Variants in PGBD2 observed in about 807,000 individuals in gnomAD.
The protein encoded by PGBD2 is piggyBac transposable element derived 2.
A neutral mutation model predicts 8.1 loss-of-function variants in PGBD2; 6 were observed. The observed-to-expected ratio is 0.74, with a 90% confidence interval of 0.40 to 1.46. The LOEUF (loss-of-function observed/expected upper bound fraction) is 1.46. PGBD2 is among the 40% of genes most tolerant of loss of function. The pLI is 0.02. For missense variants in PGBD2, 802 were observed against 739.0 expected (o/e 1.09, Z -0.99); for synonymous variants, 318 against 272.2 (o/e 1.17, Z -1.66).
chr1:248,889,564 C>T, the PGBD2 span, among the ~76,000 whole-genome samples: 1 of 152,134 alleles, frequency 6.6e-6, no homozygotes, highest in South Asian at 2.1e-4. Flanking sequence ...TAGCTTCATG[C>T]ATTTCAAGGA....
At chr1:248,874,295 C>T in the PGBD2 span, among the ~76,000 whole-genome samples, 28 of 152,250 alleles carry the variant, frequency 1.8e-4, no homozygotes, top group Middle Eastern at 3.4e-3. Flanking sequence ...CCGCCGCGGC[C>T]CGGGTTCGAT....
chr1:248,917,369 T>G lies in PGBD2; in HGVS notation c.785T>G (p.Leu262Trp), dbSNP rs753018987. 43 of 1,614,012 alleles carry G rather than the reference T, an allele frequency of 2.7e-5. No homozygotes were observed. The highest frequency in any genetic ancestry group is 3.6e-5 in the Non-Finnish European group (43 of 1,180,014). ...MNCNFQKHAP[L>W]EEFYSFGESM... The stretch of plus-strand genomic sequence containing the variant: ...TGCAATTTCCAGAAGCATGCACCCT[T>G]GGAAGAGTTCTACAGCTTTGGCGAG... The change falls in exon 3 of 3, where the codon TTG (leucine) becomes TGG (tryptophan). Residue 262 changes from leucine (L) to tryptophan (W), a missense_variant. Coordinates refer to ENST00000329291, the MANE Select transcript of PGBD2 (RefSeq NM_170725.3).
chr1:248,895,911 C>T, the PGBD2 span, among the ~76,000 whole-genome samples: 1 of 151,804 alleles, frequency 6.6e-6, no homozygotes, highest in African/African-American at 2.4e-5. Context: ...TGGTCTTGAT[C>T]GCTTGACCTT....
chr1:248,884,078 A>G, the PGBD2 span, among the ~76,000 whole-genome samples: 1 of 152,164 alleles, frequency 6.6e-6, no homozygotes, highest in African/African-American at 2.4e-5. Flanking sequence ...ATATTTAAAT[A>G]TTTAATCCAT....
downstream of PGBD2, among the ~76,000 whole-genome samples, chr1:248,923,118 A>G (rs577832664): frequency 3.3e-4 from 50 of 152,326 alleles, no homozygotes; most frequent in African/African-American, 1.1e-3. Context: ...GCTATTAATT[A>G]CAGTCTCAAT....
At chr1:248,909,106 T>C (rs1405153060) in intron 1 of PGBD2, among the ~76,000 whole-genome samples, 1 of 152,226 alleles carries the variant, frequency 6.6e-6, no homozygotes, top group African/African-American at 2.4e-5. Flanking sequence ...AGCCTCTATC[T>C]AGACATTATT....
intron 1 of PGBD2, among the ~76,000 whole-genome samples, chr1:248,908,881 T>C (rs1054097543): frequency 2.0e-5 from 3 of 152,164 alleles, no homozygotes; most frequent in African/African-American, 2.4e-5. Context: ...GAATTGTTAC[T>C]CTTTCTGCAG....
intron 2 of PGBD2, chr1:248,914,641 C>G: frequency 1.6e-6 from 2 of 1,261,534 alleles, no homozygotes; most frequent in South Asian, 2.5e-5. Flanking sequence ...TTGGGGCCTG[C>G]AAAGGGGCAC....
the PGBD2 span, among the ~76,000 whole-genome samples, chr1:248,876,412 G>A: frequency 6.6e-6 from 1 of 152,284 alleles, no homozygotes; most frequent in Admixed American, 6.5e-5. Flanking sequence ...TAGGTGGAGG[G>A]TTTGCTATTC....
downstream of PGBD2, among the ~76,000 whole-genome samples, chr1:248,923,802 G>C (rs890801437): frequency 5.9e-5 from 9 of 152,308 alleles, 1 homozygote; most frequent in Middle Eastern, 0.014. Context: ...ATAAGGATGG[G>C]AGGAGAACAG....
intron 1 of PGBD2, among the ~76,000 whole-genome samples, chr1:248,908,052 G>T (rs1037603674): frequency 6.6e-6 from 1 of 152,094 alleles, no homozygotes. Context: ...TTTCCTAGGG[G>T]TTAACATCTT....
chr1:248,912,400 C>T (rs1025868722), intron 1 of PGBD2, among the ~76,000 whole-genome samples: 1 of 152,180 alleles, frequency 6.6e-6, no homozygotes, highest in Admixed American at 6.5e-5. Flanking sequence ...TGTTCTGCAT[C>T]GCTGGGCAAG....
the PGBD2 span, among the ~76,000 whole-genome samples, chr1:248,892,422 T>G: frequency 6.6e-6 from 1 of 151,882 alleles, no homozygotes; most frequent in East Asian, 1.9e-4. Flanking sequence ...TCTGAGTTAG[T>G]TACAGGACAA....
Position 248,917,760 on chromosome 1 carries a change from A to T in PGBD2, c.1176A>T (p.Lys392Asn), listed in dbSNP as rs766084799. 6.2e-7 allele frequency: 1 copy of T among 1,614,122 alleles called. No individual in the cohort carries two copies. ...CPLKDPKELK[K>N]MKRGSFDYKV... ...TAAAAGACCCCAAAGAACTGAAAAA[A>T]ATGAAGAGGGGTTCATTTGATTACA... Residue 392 changes from lysine to asparagine, a missense_variant, in exon 3 of 3, where the codon AAA becomes AAT. By Grantham distance (94) the Lys-to-Asn change is moderately conservative. Coordinates refer to ENST00000329291, the MANE Select transcript of PGBD2 (RefSeq NM_170725.3).
At chr1:248,873,896 A>G in the PGBD2 span, among the ~76,000 whole-genome samples, 2 of 152,180 alleles carry the variant, frequency 1.3e-5, no homozygotes, top group Non-Finnish European at 2.9e-5. Flanking sequence ...ACTCAAGGTA[A>G]GCACCTTGCC....
chr1:248,879,729 G>A, the PGBD2 span, among the ~76,000 whole-genome samples: 1 of 152,092 alleles, frequency 6.6e-6, no homozygotes, highest in Non-Finnish European at 1.5e-5. Context: ...GCTGATATGT[G>A]TCATAAATAT....
upstream of PGBD2, among the ~76,000 whole-genome samples, chr1:248,903,959 T>A (rs183226203): frequency 1.5e-4 from 23 of 152,280 alleles, no homozygotes; most frequent in East Asian, 1.7e-3. Flanking sequence ...AATTTTTATA[T>A]GTAAAGTCTC....
the PGBD2 span, among the ~76,000 whole-genome samples, chr1:248,875,308 C>CAAAAAAAAAAAAAAAAA: frequency 1.1e-3 from 119 of 109,692 alleles, 1 homozygote; most frequent in Non-Finnish European, 1.5e-3. Flanking sequence ...AAAAACAAAA[C>CAAAAAAAAAAAAAAAAA]AAAAAAAAAA....
the PGBD2 span, among the ~76,000 whole-genome samples, chr1:248,888,138 C>G: frequency 6.6e-6 from 1 of 152,178 alleles, no homozygotes; most frequent in Non-Finnish European, 1.5e-5. Flanking sequence ...ATATGTACCA[C>G]AGTTTCTTAA....
Sources: gnomAD v4.1 joint callset for allele counts (sites outside exome capture counted in the v4.1 genomes callset) on GRCh38, gnomAD v4.1.1 for gene constraint, MANE v1.5 for transcripts, NCBI Gene and HGNC (gene_info 2026-07-23, HGNC 2026-07-21) for gene names.